Variants in RNF130 observed in about 807,000 individuals in gnomAD.
RNF130 encodes the protein ring finger protein 130.
Under a neutral mutation model 44.6 loss-of-function variants are expected in RNF130, and 21 were observed. The observed-to-expected ratio is 0.47, with a 90% CI of 0.33 to 0.68. The LOEUF (loss-of-function observed/expected upper bound fraction) is 0.68, where lower values mean the gene tolerates loss of function less well. Among genes scored for constraint, RNF130 ranks in the 30% least tolerant of loss-of-function variants. The pLI is 0.02. For synonymous variants in RNF130, 214 were observed against 210.4 expected (o/e 1.02, Z -0.15); for missense variants, 479 against 560.6 (o/e 0.85, Z 1.47).
rs887003838 is a variant in RNF130 at position 180,043,897 on chromosome 5, T to C, written c.248-3250A>G. On this transcript the variant is annotated intron_variant, in intron 1 of 8. Coordinates refer to ENST00000521389, the MANE Select transcript of RNF130 (RefSeq NM_018434.6). ...AGCTTCTGTTCAAAAAAGTGGTATT[T>C]ATTATTCAGAAGAAAATAAGAGGTT... Among the ~76,000 whole-genome samples the C allele has an allele frequency of 6.6e-5, 10 of 152,240 alleles. No homozygotes were observed. The East Asian group carries it at 1.7e-3, about 26-fold the overall frequency.
intron 1 of RNF130, among the ~76,000 whole-genome samples, chr5:180,052,771 C>A (rs570143993): frequency 6.6e-6 from 1 of 152,098 alleles, no homozygotes; most frequent in Non-Finnish European, 1.5e-5. Flanking sequence ...TAAAATCAGT[C>A]CCTACGGAGG....
At chr5:179,980,416 A>C (rs370787826) in intron 3 of RNF130, 43 of 513,332 alleles carry the variant, frequency 8.4e-5, no homozygotes, top group East Asian at 5.3e-4. Context: ...TGTTAGGTCA[A>C]ACAGAAATAT....
rs1762463058 is a variant in RNF130 at position 179,966,881 on chromosome 5, T to C, written c.1075A>G (p.Thr359Ala). 1 of 1,614,098 alleles carries C rather than the reference T, an allele frequency of 6.2e-7. No homozygotes were observed. Among genetic ancestry groups the C allele is most frequent in the Non-Finnish European group, 8.5e-7 (1 of 1,180,040 alleles). Residue 359 changes from threonine (T) to alanine (A), a missense_variant, in exon 7 of 9, where the codon ACT (threonine) becomes GCT (alanine). Physicochemically the swap from Thr to Ala is moderately conservative, Grantham distance 58. Around this residue, in one of 3 missense-constraint regions of RNF130, gnomAD observed 161 missense variants for 158.6 expected, o/e 1.02. Transcript: ENST00000521389. ...TGAGGAAGAGGTGAGATCCCCGAAG[T>C]TCGAAGTGGCTCAAGGCCAAGGGAG... The part of the protein sequence containing the change: ...DNSLGLEPLR[T>A]SGISPLPQDG...
In RNF130 at chr5:179,926,871, C is replaced by T. The variant is rs139545452; in HGVS notation, c.1151-6445G>A. Reference sequence around the variant, plus strand: ...CCTGATGCCATTTCCAGGTAGACAGCGTTGGAACTGAATTGAATTGAGGGA... The same window carrying T: ...CCTGATGCCATTTCCAGGTAGACAGTGTTGGAACTGAATTGAATTGAGGGA... On this transcript the variant is annotated intron_variant, in intron 7 of 7. Transcript: ENST00000522208. 2.6e-5 allele frequency among the ~76,000 whole-genome samples: 4 copies of T among 152,054 alleles called. No individual in the cohort carries two copies. In the East Asian group the frequency reaches 7.7e-4, roughly 29 times the overall value.
chr5:179,991,333 G>C (rs1763077894), intron 3 of RNF130, among the ~76,000 whole-genome samples: 1 of 152,150 alleles, frequency 6.6e-6, no homozygotes, highest in African/African-American at 2.4e-5. Context: ...AAGTCCTTTT[G>C]CAATGTATTT....
chr5:179,933,906 G>A, intron 7 of RNF130: 1 of 615,306 alleles, frequency 1.6e-6, no homozygotes. Flanking sequence ...AATCCAAACT[G>A]TCAGAATGGG....
chr5:179,969,002 C>T (rs146739838), intron 6 of RNF130, among the ~76,000 whole-genome samples: 275 of 152,342 alleles, frequency 1.8e-3, no homozygotes, highest in African/African-American at 6.4e-3. Context: ...CAACTGTATA[C>T]ACTGAAACTG....
intron 2 of RNF130, among the ~76,000 whole-genome samples, chr5:180,016,532 G>A (rs994878983): frequency 7.9e-5 from 12 of 152,182 alleles, no homozygotes; most frequent in African/African-American, 2.7e-4. Context: ...ACGCTCCCAC[G>A]CACTTCCACG....
chr5:179,941,259 A>C (rs1761966214), intron 7 of RNF130, among the ~76,000 whole-genome samples: 1 of 152,182 alleles, frequency 6.6e-6, no homozygotes, highest in Non-Finnish European at 1.5e-5. Context: ...AACAGAGATA[A>C]TTTGACGTTG....
At chr5:180,029,421 G>A (rs775750984) in intron 2 of RNF130, among the ~76,000 whole-genome samples, 6 of 152,066 alleles carry the variant, frequency 3.9e-5, no homozygotes, top group Non-Finnish European at 8.8e-5. Flanking sequence ...GAGACAATGG[G>A]CAACAGCCTA....
In RNF130 at chr5:179,967,018, A is replaced by G; in HGVS notation, c.946-8T>C. ...AGTACATGGCAAATTCGGCTGCAAA[A>G]TATTTCCAGGTTAAAAATAATTGTA... On this transcript the variant is annotated splice_region_variant and splice_polypyrimidine_tract_variant and intron_variant, in intron 6 of 8. Transcript: ENST00000521389. 1 of 1,607,886 alleles carries G rather than the reference A, an allele frequency of 6.2e-7. No homozygotes were observed. The highest frequency in any genetic ancestry group is 1.1e-5 in the South Asian group (1 of 90,062).
At chr5:179,968,239 G>A (rs1182631891) in intron 6 of RNF130, among the ~76,000 whole-genome samples, 1 of 152,108 alleles carries the variant, frequency 6.6e-6, no homozygotes, top group Non-Finnish European at 1.5e-5. Flanking sequence ...AGCTTGCGGT[G>A]AGCCGAGATC....
chr5:179,920,537 A>G (rs1761613660), intron 7 of RNF130: 1 of 627,312 alleles, frequency 1.6e-6, no homozygotes, highest in Admixed American at 2.4e-5. Context: ...TTTCTTAACT[A>G]TCCTTCATAA....
chr5:179,948,024 TCTAA>T (rs1171434628), intron 7 of RNF130, among the ~76,000 whole-genome samples: 3 of 152,202 alleles, frequency 2.0e-5, no homozygotes, highest in Non-Finnish European at 2.9e-5. Context: ...TAGGTCCTGG[TCTAA>T]CTGTCTCCAG....
chr5:180,064,457 T>C (rs761235463), intron 1 of RNF130, among the ~76,000 whole-genome samples: 2 of 152,202 alleles, frequency 1.3e-5, no homozygotes, highest in East Asian at 1.9e-4. Context: ...CAACAGTTTT[T>C]AGTTCTTCTG....
At chr5:179,934,917 C>T (rs764016262) in intron 7 of RNF130, among the ~76,000 whole-genome samples, 12 of 151,744 alleles carry the variant, frequency 7.9e-5, no homozygotes, top group Non-Finnish European at 1.5e-4. Context: ...TATTTCCTTC[C>T]TTTGATTTAG....
chr5:179,955,896 G>T (rs1441755439), intron 8 of RNF130: 48 of 412,768 alleles, frequency 1.2e-4, no homozygotes. Flanking sequence ...CCAAAAGGAT[G>T]AAGGAAAAGG....
At chr5:179,984,981 A>T (rs1239636673) in intron 3 of RNF130, among the ~76,000 whole-genome samples, 1 of 152,096 alleles carries the variant, frequency 6.6e-6, no homozygotes, top group Non-Finnish European at 1.5e-5. Context: ...TTTTGGATAA[A>T]GGGTACTCAA....
intron 3 of RNF130, among the ~76,000 whole-genome samples, chr5:180,009,018 T>C (rs1381903649): frequency 6.6e-6 from 1 of 152,040 alleles, no homozygotes; most frequent in Non-Finnish European, 1.5e-5. Context: ...AAATACAGCA[T>C]ATCAAAATAT....
Sources: allele counts gnomAD v4.1 joint callset (sites outside exome capture counted in the v4.1 genomes callset), GRCh38; gene constraint gnomAD v4.1.1; regional missense constraint gnomAD v4.1.1; transcripts MANE v1.5; gene names NCBI Gene and HGNC (gene_info 2026-07-23, HGNC 2026-07-21).